Variants in SMAD3 observed in about 807,000 individuals in gnomAD.
The protein encoded by SMAD3 is MAD homolog 3.
SMAD3 carries 12 observed loss-of-function variants against 51.8 expected under a neutral mutation model. That is an observed-to-expected ratio of 0.23 (90% CI 0.15 to 0.38). The LOEUF (loss-of-function observed/expected upper bound fraction) is 0.38. Among genes scored for constraint, SMAD3 ranks in the 10% least tolerant of loss-of-function variants. The probability of loss-of-function intolerance (pLI) is 1.00; values close to 1 mark genes in which losing one functional copy is unlikely to be tolerated. For synonymous variants in SMAD3, 238 were observed against 227.7 expected (o/e 1.05, Z -0.41); for missense variants, 294 against 565.6 (o/e 0.52, Z 4.87).
Position 67,165,060 on chromosome 15 carries a change from C to G in SMAD3, c.372C>G (p.Pro124=). The part of the protein sequence containing the change: ...NMKKDEVCVN[P]YHYQRVETPV... ...AGAAGGACGAGGTCTGCGTGAATCCCTACCACTACCAGAGAGTAGAGACAC... is the reference window on the plus strand; with the variant it reads ...AGAAGGACGAGGTCTGCGTGAATCCGTACCACTACCAGAGAGTAGAGACAC... The change falls in exon 2 of 9, where the codon CCC becomes CCG. Residue 124 remains proline (P), a synonymous_variant. Transcript: ENST00000327367. The G allele has an allele frequency of 1.1e-5, 17 of 1,614,224 alleles. No homozygotes were observed. Among genetic ancestry groups the G allele is most frequent in the Non-Finnish European group, 1.4e-5 (17 of 1,180,040 alleles).
At chr15:67,130,928 A>G (rs1300634144) in intron 1 of SMAD3, among the ~76,000 whole-genome samples, 24 of 152,136 alleles carry the variant, frequency 1.6e-4, no homozygotes, top group Non-Finnish European at 7.4e-5. Context: ...GTGGGCAGCA[A>G]TTGCAGAGGC....
intron 1 of SMAD3, among the ~76,000 whole-genome samples, chr15:67,069,691 ACTCC>A (rs931607775): frequency 1.3e-5 from 2 of 149,886 alleles, no homozygotes; most frequent in Non-Finnish European, 3.0e-5. Context: ...CACAGCATCT[ACTCC>A]CTCCCTGTGA....
At position 67,158,954 on chromosome 15, in the gene SMAD3, T is replaced by G. The variant is rs1194144084; in HGVS notation, c.207-5941T>G. Among the ~76,000 whole-genome samples the G allele has an allele frequency of 6.6e-5, 10 of 152,250 alleles. No homozygotes were observed. The East Asian group carries it at 1.7e-3, about 26-fold the overall frequency. ...ATTCCTGCCACTTTCTGGAATATCTTTCTGGGTAGTGTCTGTTCAAATCAT... is the reference window on the plus strand; with the variant it reads ...ATTCCTGCCACTTTCTGGAATATCTGTCTGGGTAGTGTCTGTTCAAATCAT... On this transcript the variant is annotated intron_variant, in intron 1 of 8. Transcript: ENST00000327367.
chr15:67,168,246 G>A (rs1409965692), intron 4 of SMAD3, among the ~76,000 whole-genome samples: 3 of 152,214 alleles, frequency 2.0e-5, no homozygotes, highest in East Asian at 3.9e-4. Flanking sequence ...ACCTGGCTGA[G>A]GTTGTGCAAT....
chr15:67,100,333 C>G (rs1317276496), intron 1 of SMAD3, among the ~76,000 whole-genome samples: 1 of 152,014 alleles, frequency 6.6e-6, no homozygotes, highest in African/African-American at 2.4e-5. Context: ...TTCACAGAGA[C>G]AGAAAGCAGA....
intron 1 of SMAD3, among the ~76,000 whole-genome samples, chr15:67,086,092 G>C (rs866613308): frequency 5.3e-5 from 8 of 151,768 alleles, no homozygotes; most frequent in African/African-American, 7.3e-5. Flanking sequence ...AGTACAAAGT[G>C]GGGGGTGGTG....
At chr15:67,151,629 G>A (rs1179875323) in intron 1 of SMAD3, among the ~76,000 whole-genome samples, 1 of 152,134 alleles carries the variant, frequency 6.6e-6, no homozygotes, top group Non-Finnish European at 1.5e-5. Flanking sequence ...TTGCACCCAG[G>A]CTATTTTCCC....
chr15:67,166,964 C>A, intron 4 of SMAD3, 111 bp downstream of exon 4: 4 of 890,050 alleles, frequency 4.5e-6, no homozygotes, highest in Admixed American at 2.0e-5. Context: ...ATCTCTCTCT[C>A]CAGTATTTGT....
At chr15:67,117,857 C>T (rs1227761855) in intron 1 of SMAD3, among the ~76,000 whole-genome samples, 2 of 152,068 alleles carry the variant, frequency 1.3e-5, no homozygotes, top group Non-Finnish European at 1.5e-5. Context: ...TTTGGGAGGC[C>T]GAGGCGGGTG....
intron 1 of SMAD3, among the ~76,000 whole-genome samples, chr15:67,155,585 A>AGG (rs1156514569): frequency 6.6e-6 from 1 of 152,216 alleles, no homozygotes; most frequent in Non-Finnish European, 1.5e-5. Flanking sequence ...CCTTCCCAGA[A>AGG]GGTCCGATGG....
At chr15:67,067,737 A>G (rs1213611261) in intron 1 of SMAD3, among the ~76,000 whole-genome samples, 1 of 152,046 alleles carries the variant, frequency 6.6e-6, no homozygotes, top group African/African-American at 2.4e-5. Context: ...CCAGTCAATA[A>G]AGGGGGAGGG....
intron 1 of SMAD3, chr15:67,138,516 C>T (rs1282724032): frequency 1.3e-5 from 2 of 159,716 alleles, no homozygotes; most frequent in African/African-American, 4.8e-5. Context: ...GAACTGAATT[C>T]ATCTGTGTAA....
At chr15:67,070,076 A>C (rs1960019396) in intron 1 of SMAD3, among the ~76,000 whole-genome samples, 1 of 152,200 alleles carries the variant, frequency 6.6e-6, no homozygotes, top group South Asian at 2.1e-4. Flanking sequence ...ACTTTGAGAA[A>C]GGAAAAAGAT....
chr15:67,109,093 A>G (rs1053654411), intron 1 of SMAD3, among the ~76,000 whole-genome samples: 4 of 152,222 alleles, frequency 2.6e-5, no homozygotes, highest in African/African-American at 9.7e-5. Flanking sequence ...GGTGCCTGAT[A>G]AAGCATGGTC....
chr15:67,181,389 C>T lies in SMAD3; in HGVS notation c.807C>T (p.Phe269=), dbSNP rs1963052117. The T allele has an allele frequency of 6.2e-7, 1 of 1,614,176 alleles. No homozygotes were observed. Among genetic ancestry groups the T allele is most frequent in the African/African-American group, 1.3e-5 (1 of 75,048 alleles). Residue 269 remains phenylalanine, a synonymous_variant, in exon 6 of 9, where the codon TTC becomes TTT. Transcript: ENST00000327367. ...CCGACCCCTCCAATTCGGAGCGCTT[C>T]TGCCTAGGGCTGCTCTCCAATGTCA... ...GFTDPSNSER[F]CLGLLSNVNR...
At chr15:67,101,585 A>G (rs148199391) in intron 1 of SMAD3, among the ~76,000 whole-genome samples, 1 of 152,324 alleles carries the variant, frequency 6.6e-6, no homozygotes, top group African/African-American at 2.4e-5. Context: ...CTGAGCTGTA[A>G]TTGAATTAAA....
intron 5 of SMAD3, among the ~76,000 whole-genome samples, chr15:67,180,620 G>GTCC (rs995958933): frequency 2.0e-5 from 3 of 151,468 alleles, no homozygotes; most frequent in African/African-American, 7.3e-5. Flanking sequence ...TGCCTGGTGT[G>GTCC]TCCACTGCGC....
chr15:67,179,645 C>T (rs1212185772), intron 5 of SMAD3, among the ~76,000 whole-genome samples: 2 of 152,184 alleles, frequency 1.3e-5, no homozygotes, highest in Non-Finnish European at 2.9e-5. Flanking sequence ...ACACTCTGTC[C>T]TGCAGGGGCA....
intron 1 of SMAD3, among the ~76,000 whole-genome samples, chr15:67,118,958 C>T (rs983511808): frequency 9.8e-5 from 15 of 152,318 alleles, no homozygotes; most frequent in African/African-American, 3.6e-4. Context: ...CAAACATTTA[C>T]GGAGCACCTA....
Sources: gnomAD v4.1 joint callset for allele counts (sites outside exome capture counted in the v4.1 genomes callset) on GRCh38, gnomAD v4.1.1 for gene constraint, MANE v1.5 for transcripts, NCBI Gene and HGNC (gene_info 2026-07-23, HGNC 2026-07-21) for gene names.